The following DTNA variants were observed in gnomAD, a reference collection of about 807,000 sequenced individuals.
The protein encoded by DTNA is dystrobrevin alpha, also known as dystrophin-related protein 3.
In DTNA, 43 loss-of-function variants were observed where a neutral mutation model predicts 100.7. The ratio of observed to expected loss-of-function variants is 0.43; its 90% CI spans 0.33 to 0.55. The LOEUF (loss-of-function observed/expected upper bound fraction) is 0.55, where lower values mean the gene tolerates loss of function less well. Ranked by LOEUF, DTNA falls within the 20% of genes least tolerant of loss-of-function variation. The pLI is 0.04. For synonymous variants in DTNA, 349 were observed against 347.9 expected, an observed-to-expected ratio of 1.00 and a Z score of -0.04; for missense variants, 798 against 953.9, an observed-to-expected ratio of 0.84 and a Z score of 2.15.
At chr18:34,619,786 G>T (rs553798519) in intron 1 of DTNA, among the ~76,000 whole-genome samples, 1 of 152,200 alleles carries the variant, frequency 6.6e-6, no homozygotes, top group Admixed American at 6.5e-5. Flanking sequence ...CATATCTGGT[G>T]TAGAGATACT....
At chr18:34,647,589 G>A (rs901263023) in intron 1 of DTNA, among the ~76,000 whole-genome samples, 2 of 152,236 alleles carry the variant, frequency 1.3e-5, no homozygotes, top group African/African-American at 2.4e-5. Flanking sequence ...CACACCTACC[G>A]TTCCATATGT....
intron 1 of DTNA, among the ~76,000 whole-genome samples, chr18:34,730,372 G>A (rs2087803946): frequency 6.6e-6 from 1 of 152,214 alleles, no homozygotes; most frequent in African/African-American, 2.4e-5. Context: ...AAGTGTTAAA[G>A]CAGTACACAG....
At chr18:34,688,687 C>T (rs1220075024) in intron 1 of DTNA, among the ~76,000 whole-genome samples, 1 of 152,062 alleles carries the variant, frequency 6.6e-6, no homozygotes, top group Non-Finnish European at 1.5e-5. Context: ...AAATGTTGGC[C>T]TGTCTTGCTA....
intron 1 of DTNA, among the ~76,000 whole-genome samples, chr18:34,572,475 T>G (rs2047683967): frequency 6.6e-6 from 1 of 152,180 alleles, no homozygotes; most frequent in African/African-American, 2.4e-5. Context: ...AGGCCAATAT[T>G]ATTATCATCT....
At chr18:34,567,408 G>A (rs1454288283) in intron 1 of DTNA, among the ~76,000 whole-genome samples, 4 of 152,052 alleles carry the variant, frequency 2.6e-5, no homozygotes, top group African/African-American at 9.7e-5. Context: ...TGGCTGTTAT[G>A]ATATTTTTAG....
chr18:34,507,034 G>A (rs535100419), intron 1 of DTNA, among the ~76,000 whole-genome samples: 2 of 152,240 alleles, frequency 1.3e-5, no homozygotes, highest in South Asian at 4.2e-4. Context: ...CAGGTAAGTG[G>A]GATGAGTGAA....
At chr18:34,731,485 C>CAAA (rs10712202) in intron 1 of DTNA, among the ~76,000 whole-genome samples, 3 of 106,652 alleles carry the variant, frequency 2.8e-5, no homozygotes, top group East Asian at 2.9e-4. Flanking sequence ...GACTCCGTCT[C>CAAA]AAAAAAAAAA....
intron 16 of DTNA, among the ~76,000 whole-genome samples, chr18:34,862,565 G>A (rs2096642682): frequency 1.3e-5 from 2 of 152,106 alleles, no homozygotes; most frequent in Admixed American, 1.3e-4. Flanking sequence ...TTAGGAGGCT[G>A]AGGCAGGAGG....
chr18:34,566,001 G>A (rs934558488), intron 1 of DTNA, among the ~76,000 whole-genome samples: 3 of 152,178 alleles, frequency 2.0e-5, no homozygotes, highest in Non-Finnish European at 2.9e-5. Context: ...CAAATAGCAA[G>A]CACTCAGTGA....
chr18:34,825,075 A>G (rs1244754786), intron 9 of DTNA, among the ~76,000 whole-genome samples: 3 of 152,122 alleles, frequency 2.0e-5, no homozygotes, highest in African/African-American at 7.2e-5. Context: ...TTTTTTTTTA[A>G]CTATAGCCAA....
intron 1 of DTNA, among the ~76,000 whole-genome samples, chr18:34,744,137 T>A (rs538813652): frequency 1.3e-5 from 2 of 152,316 alleles, no homozygotes; most frequent in East Asian, 3.9e-4. Context: ...GGAAATTTGC[T>A]TTATTAATGA....
chr18:34,552,394 A>C (rs2045527385), intron 1 of DTNA, among the ~76,000 whole-genome samples: 3 of 151,556 alleles, frequency 2.0e-5, no homozygotes, highest in African/African-American at 7.3e-5. Flanking sequence ...TTTTTAAATT[A>C]TACTTTAAGT....
At chr18:34,854,974 G>T in intron 15 of DTNA, among the ~76,000 whole-genome samples, 1 of 152,118 alleles carries the variant, frequency 6.6e-6, no homozygotes, top group East Asian at 1.9e-4. Context: ...TAAATGTGAG[G>T]TGTTATTTCT....
chr18:34,601,669 CTAA>C, intron 1 of DTNA, among the ~76,000 whole-genome samples: 2 of 152,358 alleles, frequency 1.3e-5, no homozygotes, highest in Middle Eastern at 6.8e-3. Context: ...CGATCTGATA[CTAA>C]TGTCTATTGC....
intron 1 of DTNA, among the ~76,000 whole-genome samples, 155 bp downstream of exon 1, chr18:34,710,600 G>A (rs1484484232): frequency 6.6e-6 from 1 of 151,604 alleles, no homozygotes; most frequent in Non-Finnish European, 1.5e-5. Flanking sequence ...TCCACCTCCG[G>A]TTTCAGCTGT....
At chr18:34,668,385 T>A (rs1418041347) in intron 1 of DTNA, among the ~76,000 whole-genome samples, 1 of 152,232 alleles carries the variant, frequency 6.6e-6, no homozygotes, top group Non-Finnish European at 1.5e-5. Context: ...AGATCCTGGA[T>A]TCGTTGATTT....
At chr18:34,787,943 G>T (rs1485226952) in intron 3 of DTNA, among the ~76,000 whole-genome samples, 1 of 152,178 alleles carries the variant, frequency 6.6e-6, no homozygotes, top group African/African-American at 2.4e-5. Context: ...AATGCATTTT[G>T]TCTATTCTCG....
chr18:34,643,873 A>C (rs925818641), intron 1 of DTNA, among the ~76,000 whole-genome samples: 1 of 152,198 alleles, frequency 6.6e-6, no homozygotes, highest in African/African-American at 2.4e-5. Flanking sequence ...ATTAAGCATC[A>C]TCTTTTATAC....
chr18:34,824,662 A>G (rs1452257415), intron 9 of DTNA, among the ~76,000 whole-genome samples: 2 of 152,136 alleles, frequency 1.3e-5, no homozygotes, highest in Non-Finnish European at 2.9e-5. Context: ...TAAGAAAATA[A>G]TAAGTGGAAA....
Sources: allele counts gnomAD v4.1 joint callset (sites outside exome capture counted in the v4.1 genomes callset), GRCh38; gene constraint gnomAD v4.1.1; transcripts MANE v1.5; gene names NCBI Gene and HGNC (gene_info 2026-07-23, HGNC 2026-07-21).